NTRK3: variants seen among roughly 807,000 people sequenced by gnomAD.
NTRK3 encodes the protein neurotrophic receptor tyrosine kinase 3.
In NTRK3, 24 loss-of-function variants were observed where a neutral mutation model predicts 91.7. The ratio of observed to expected loss-of-function variants is 0.26; its 90% confidence interval spans 0.19 to 0.37. The LOEUF (loss-of-function observed/expected upper bound fraction) is 0.37, where lower values mean the gene tolerates loss of function less well. Ranked by LOEUF, NTRK3 falls within the 10% of genes least tolerant of loss-of-function variation. NTRK3 has a pLI of 1.00. For synonymous variants in NTRK3, 483 were observed against 404.0 expected (o/e 1.20, Z -2.34); for missense variants, 880 against 1,068.9 (o/e 0.82, Z 2.46).
Position 88,057,997 on chromosome 15 carries a change from C to T in NTRK3, c.1397-24952G>A, listed in dbSNP as rs376436348. ...AAAGGGCGGGCCAGGGACGGAGAGC[C>T]GAGCAGATGCTCAGACCCCAGAAGC... On this transcript the variant is annotated intron_variant, in intron 13 of 18. Coordinates refer to ENST00000394480, the Ensembl canonical transcript of NTRK3. 5.3e-3 allele frequency among the ~76,000 whole-genome samples: 807 copies of T among 152,320 alleles called. 6 individuals carry two copies. The highest frequency in any genetic ancestry group is 0.018 in the African/African-American group (762 of 41,558).
chr15:88,100,481 C>A (rs1380673523), intron 13 of NTRK3, among the ~76,000 whole-genome samples: 1 of 152,174 alleles, frequency 6.6e-6, no homozygotes, highest in Non-Finnish European at 1.5e-5. Context: ...ACAGAGTTTA[C>A]CATTCCATCT....
chr15:88,152,424 A>G (rs1011768294), intron 5 of NTRK3, among the ~76,000 whole-genome samples: 11 of 152,228 alleles, frequency 7.2e-5, no homozygotes, highest in Non-Finnish European at 1.2e-4. Context: ...CCTTAATCCA[A>G]TATGACTAGT....
chr15:88,253,983 G>A (rs2053723265), intron 3 of NTRK3, among the ~76,000 whole-genome samples: 1 of 152,190 alleles, frequency 6.6e-6, no homozygotes, highest in Admixed American at 6.5e-5. Flanking sequence ...GAGCCTACGT[G>A]ATTGTGACCA....
At chr15:88,055,329 A>T (rs1233148737) in intron 13 of NTRK3, among the ~76,000 whole-genome samples, 1 of 152,116 alleles carries the variant, frequency 6.6e-6, no homozygotes, top group Non-Finnish European at 1.5e-5. Context: ...ACATCCAAAC[A>T]GTGCCACTGG....
intron 5 of NTRK3, among the ~76,000 whole-genome samples, chr15:88,179,006 T>G (rs2046240199): frequency 6.6e-6 from 1 of 152,238 alleles, no homozygotes; most frequent in South Asian, 2.1e-4. Flanking sequence ...ATCCTGATTC[T>G]TCCACTAACT....
chr15:87,974,888 G>A (rs1012277377), intron 14 of NTRK3, among the ~76,000 whole-genome samples: 2 of 152,134 alleles, frequency 1.3e-5, no homozygotes, highest in South Asian at 2.1e-4. Flanking sequence ...GGGGTTGGAG[G>A]GGGGAGCACC....
At chr15:88,028,578 G>A (rs1324987342) in intron 14 of NTRK3, among the ~76,000 whole-genome samples, 3 of 152,126 alleles carry the variant, frequency 2.0e-5, no homozygotes, top group Non-Finnish European at 2.9e-5. Context: ...GAGAGGAAAG[G>A]GCGGGCCAAC....
Position 88,159,022 on chromosome 15 carries a change from G to A in NTRK3, c.396-11619C>T, listed in dbSNP as rs549490679. ...AGGTACAGCTGCAGGCCAAGCCCCC[G>A]GGCTGAGAGAGAGCTGCCCAGGGCG... On this transcript the variant is annotated intron_variant, in intron 5 of 18. Transcript: ENST00000394480. 2.3e-4 allele frequency among the ~76,000 whole-genome samples: 35 copies of A among 152,334 alleles called. No homozygotes were observed. The South Asian group carries it at 7.0e-3, about 31-fold the overall frequency.
At position 87,887,690 on chromosome 15, in the gene NTRK3, C is replaced by T. The variant is rs759844846; in HGVS notation, c.2134-7262G>A. ...GAAAGGTAGTGGTCAAAGCCTTCCC[C>T]GGTAAAAAATTATTGACAAATACGT... On this transcript the variant is annotated intron_variant, in intron 17 of 18. Coordinates refer to ENST00000394480, the Ensembl canonical transcript of NTRK3. Among the ~76,000 whole-genome samples, 8 of 152,116 alleles carry T rather than the reference C, an allele frequency of 5.3e-5. No homozygotes were observed. In the East Asian group the frequency reaches 5.8e-4, roughly 11 times the overall value.
chr15:88,016,791 G>T (rs2077261488), intron 14 of NTRK3, among the ~76,000 whole-genome samples: 1 of 152,116 alleles, frequency 6.6e-6, no homozygotes, highest in African/African-American at 2.4e-5. Flanking sequence ...TTCTTTATTA[G>T]AGGAGAGTGT....
At chr15:87,952,586 T>G (rs943487766) in intron 14 of NTRK3, among the ~76,000 whole-genome samples, 1 of 152,150 alleles carries the variant, frequency 6.6e-6, no homozygotes, top group Non-Finnish European at 1.5e-5. Flanking sequence ...GAGCCCTTGG[T>G]GACACAAAGT....
At position 88,112,153 on chromosome 15, in the gene NTRK3, G is replaced by A. The variant is rs1033034166; in HGVS notation, c.1396+14118C>T. Among the ~76,000 whole-genome samples, 16 of 152,184 alleles carry A rather than the reference G, an allele frequency of 1.1e-4. 1 individual carries two copies. The highest frequency in any genetic ancestry group is 3.4e-3 in the Middle Eastern group (1 of 294). ...GATCTCCTGACCTCGTGATCCGCCC[G>A]CCTTGGCCTCCCAAAGTGCTAGGAT... is the stretch of plus-strand genomic sequence containing the variant. On this transcript the variant is annotated intron_variant, in intron 13 of 18. Coordinates refer to ENST00000394480, the Ensembl canonical transcript of NTRK3.
Position 87,970,375 on chromosome 15 carries a change from C to T in NTRK3, c.1586-29622G>A, listed in dbSNP as rs184155459. On this transcript the variant is annotated intron_variant, in intron 14 of 18. Transcript: ENST00000394480. ...GCAACCAGAATTTTTTCTGACTCTA[C>T]GTAGAAGGCAGAAGTGAGGGCTGAG... Among the ~76,000 whole-genome samples, 173 of 152,288 alleles carry T rather than the reference C, an allele frequency of 1.1e-3. 2 individuals carry two copies. The highest frequency in any genetic ancestry group is 7.0e-3 in the East Asian group (36 of 5,176).
chr15:88,193,953 C>T (rs2047614020), intron 3 of NTRK3, among the ~76,000 whole-genome samples: 1 of 152,162 alleles, frequency 6.6e-6, no homozygotes, highest in South Asian at 2.1e-4. Context: ...CCTCGCCTCC[C>T]TTTGATTCTC....
chr15:88,108,436 C>T (rs1375727624), intron 13 of NTRK3, among the ~76,000 whole-genome samples: 1 of 152,120 alleles, frequency 6.6e-6, no homozygotes. Flanking sequence ...AAAGAATAGC[C>T]CATATATGCA....
chr15:88,129,996 A>G (rs1208939055), intron 10 of NTRK3, among the ~76,000 whole-genome samples: 1 of 152,196 alleles, frequency 6.6e-6, no homozygotes, highest in African/African-American at 2.4e-5. Flanking sequence ...CACAGAGGGA[A>G]AATCACATGA....
At chr15:87,932,952 A>T (rs2141952252) in intron 16 of NTRK3, 60 bp downstream of exon 16, 1 of 1,586,506 alleles carries the variant, frequency 6.3e-7, no homozygotes, top group Admixed American at 1.7e-5. Flanking sequence ...GGCTCCAGGG[A>T]AAACCCCAAG....
rs1029235001 is a variant in NTRK3 at position 88,240,492 on chromosome 15, C to G, written c.248+15414G>C. Among the ~76,000 whole-genome samples, 1 of 152,186 alleles carries G rather than the reference C, an allele frequency of 6.6e-6. No homozygotes were observed. The highest frequency in any genetic ancestry group is 6.5e-5 in the Admixed American group (1 of 15,284). ...CCTTCTACCCCACCCTCCTTACCAC[C>G]AAAACAGCACGTCATGTGTCCTGTC... On this transcript the variant is annotated intron_variant, in intron 3 of 18. Transcript: ENST00000394480. The surrounding 1 kb of genome is among the most constrained non-coding windows in gnomAD (Gnocchi z 4.9).
chr15:88,044,254 C>CTTTTTTTTTTTTTT (rs1181028004), intron 13 of NTRK3, among the ~76,000 whole-genome samples: 1 of 78,486 alleles, frequency 1.3e-5, no homozygotes, highest in Non-Finnish European at 2.3e-5. Flanking sequence ...AGTCTATGTT[C>CTTTTTTTTTTTTTT]TTTTTTTTTT....
Sources: gnomAD v4.1 joint callset for allele counts (sites outside exome capture counted in the v4.1 genomes callset) on GRCh38, gnomAD v4.1.1 for gene constraint, Gnocchi (gnomAD v3.1) non-coding constraint, MANE v1.5 for transcripts, NCBI Gene and HGNC (gene_info 2026-07-23, HGNC 2026-07-21) for gene names.